CEMIP: variants seen among roughly 807,000 people sequenced by gnomAD.
CEMIP encodes the protein cell migration inducing hyaluronidase 1.
Under a neutral mutation model 156.9 loss-of-function variants are expected in CEMIP, and 105 were observed. The observed-to-expected ratio is 0.67, with a 90% CI of 0.57 to 0.79. The LOEUF is 0.79. CEMIP is among the 30% of genes least tolerant of loss of function. CEMIP has a pLI of 0.00. For missense variants in CEMIP, 1,457 were observed against 1,769.4 expected (o/e 0.82, Z 3.17); for synonymous variants, 676 against 668.4 (o/e 1.01, Z -0.17).
In CEMIP at chr15:80,941,961, G is replaced by A. The variant is rs140378351; in HGVS notation, c.3520G>A (p.Val1174Ile). 5.0e-6 allele frequency: 8 copies of A among 1,613,862 alleles called. No homozygotes were observed. Among genetic ancestry groups the A allele is most frequent in the Non-Finnish European group, 5.1e-6 (6 of 1,179,970 alleles). ...IKALIPKNAG[V>I]SDCTATAYPK... is the part of the protein sequence containing the mutation. The stretch of plus-strand genomic sequence containing the variant: ...AGCTCTGATTCCAAAGAACGCAGGC[G>A]TCAGTGACTGCACAGCCACAGCTTA... The change falls in exon 26 of 30, where the codon GTC (valine) becomes ATC (isoleucine). Residue 1174 changes from valine (V) to isoleucine (I), a missense_variant. Around this residue, in one of 5 missense-constraint regions of CEMIP, gnomAD observed 798 missense variants for 980.1 expected, o/e 0.81. Coordinates refer to ENST00000394685, the MANE Select transcript of CEMIP (RefSeq NM_001293298.2).
intron 3 of CEMIP, among the ~76,000 whole-genome samples, chr15:80,875,021 A>ATTTTT (rs755707756): frequency 4.6e-5 from 3 of 64,960 alleles, no homozygotes; most frequent in African/African-American, 1.3e-4. Flanking sequence ...AGCAAGTAGC[A>ATTTTT]TTTTTTTTTT....
At position 80,887,769 on chromosome 15, in the gene CEMIP, T is replaced by C. The variant is rs201848416; in HGVS notation, c.868+5T>C. ...AAGACCATATTGAATATCATGGTAA[T>C]ACATAGCTGGCTGGAGGCCTGATTC... On this transcript the variant is annotated splice_donor_5th_base_variant and intron_variant, in intron 8 of 29. Coordinates refer to ENST00000394685, the MANE Select transcript of CEMIP (RefSeq NM_001293298.2). 5.6e-6 allele frequency: 9 copies of C among 1,611,104 alleles called. No homozygotes were observed. Among genetic ancestry groups the C allele is most frequent in the Non-Finnish European group, 7.6e-6 (9 of 1,177,528 alleles).
chr15:80,934,674 G>A (rs914010468), intron 23 of CEMIP, among the ~76,000 whole-genome samples: 2 of 152,150 alleles, frequency 1.3e-5, no homozygotes, highest in Non-Finnish European at 2.9e-5. Flanking sequence ...TGGGGGTGGA[G>A]GAGTGATAGG....
rs149857081 is a variant in CEMIP at position 80,906,689 on chromosome 15, G to A, written c.1438G>A (p.Glu480Lys). The A allele has an allele frequency of 1.2e-4, 197 of 1,613,978 alleles. No individual in the cohort carries two copies. The highest frequency in any genetic ancestry group is 1.7e-4 in the Admixed American group (10 of 60,012). Residue 480 changes from glutamate to lysine, a missense_variant, in exon 13 of 30, where the codon GAG becomes AAG. Glu to Lys is a moderately conservative substitution (Grantham distance 56). Transcript: ENST00000394685. This position sits in a 1 kb window ranked among gnomAD's most constrained non-coding sequence, Gnocchi z 4.3. ...AGKPMYLHIG[E>K]EIDGVDMRAE... ...GAAACCAATGTACCTGCACATCGGG[G>A]AGGAGATAGACGGCGTGGACATGCG...
intron 25 of CEMIP, among the ~76,000 whole-genome samples, chr15:80,939,332 C>A (rs1901253310): frequency 6.6e-6 from 1 of 152,160 alleles, no homozygotes; most frequent in African/African-American, 2.4e-5. Flanking sequence ...CACTCTCTTC[C>A]CATGGGAAGA....
At chr15:80,872,006 G>A (rs1188570883) in intron 1 of CEMIP, among the ~76,000 whole-genome samples, 20 of 152,254 alleles carry the variant, frequency 1.3e-4, no homozygotes, top group East Asian at 1.9e-4. Flanking sequence ...TGGGAGTATC[G>A]TTTCCTCCCT....
chr15:80,780,863 C>T (rs1023991597), intron 1 of CEMIP, among the ~76,000 whole-genome samples: 3 of 152,288 alleles, frequency 2.0e-5, no homozygotes. Flanking sequence ...TCTTCCCAGA[C>T]CCAAGGCGTT....
intron 14 of CEMIP, among the ~76,000 whole-genome samples, chr15:80,910,866 C>G (rs1348882355): frequency 6.6e-6 from 1 of 152,116 alleles, no homozygotes; most frequent in Non-Finnish European, 1.5e-5. Context: ...TGTGCTGGAG[C>G]CATTGCTGGA....
intron 14 of CEMIP, among the ~76,000 whole-genome samples, chr15:80,913,336 G>C (rs7179951): frequency 0.77 from 117,144 of 152,198 alleles, 47,546 homozygotes; most frequent in Non-Finnish European, 0.89. Context: ...CTGAGCCTTG[G>C]TGATGGTTCT....
At chr15:80,821,513 A>G (rs1047665816) in intron 1 of CEMIP, among the ~76,000 whole-genome samples, 5 of 152,200 alleles carry the variant, frequency 3.3e-5, no homozygotes, top group Non-Finnish European at 5.9e-5. Context: ...GGCTTTTTCC[A>G]TCAACCAGGT....
At chr15:80,878,126 A>G (rs1301326431) in intron 3 of CEMIP, among the ~76,000 whole-genome samples, 1 of 152,240 alleles carries the variant, frequency 6.6e-6, no homozygotes, top group African/African-American at 2.4e-5. Context: ...CACTCAGGGA[A>G]GCCTACAGTG....
intron 10 of CEMIP, among the ~76,000 whole-genome samples, chr15:80,894,069 T>A (rs896803455): frequency 3.9e-5 from 6 of 152,210 alleles, no homozygotes; most frequent in Non-Finnish European, 7.3e-5. Flanking sequence ...GCCTTGTAGC[T>A]GCTCACCAGC....
intron 1 of CEMIP, among the ~76,000 whole-genome samples, chr15:80,839,525 A>G (rs1897344076): frequency 6.6e-6 from 1 of 152,168 alleles, no homozygotes; most frequent in Non-Finnish European, 1.5e-5. Flanking sequence ...GAAGCCGGCC[A>G]GACCTCCTGG....
At chr15:80,872,537 G>T (rs1354463316) in intron 1 of CEMIP, among the ~76,000 whole-genome samples, 1 of 152,168 alleles carries the variant, frequency 6.6e-6, no homozygotes, top group South Asian at 2.1e-4. Flanking sequence ...TAATAAACTA[G>T]AAGTTTAATT....
chr15:80,781,404 T>A (rs1895791585), intron 1 of CEMIP, among the ~76,000 whole-genome samples: 1 of 152,220 alleles, frequency 6.6e-6, no homozygotes, highest in South Asian at 2.1e-4. Flanking sequence ...AGGCTCCTTT[T>A]TAGCCCAGTA....
intron 19 of CEMIP, among the ~76,000 whole-genome samples, chr15:80,927,700 A>T (rs1418075160): frequency 6.6e-6 from 1 of 152,066 alleles, no homozygotes; most frequent in African/African-American, 2.4e-5. Context: ...GGTTGGTGCA[A>T]TCGGGGCTGA....
At chr15:80,813,049 T>C (rs572411133) in intron 1 of CEMIP, among the ~76,000 whole-genome samples, 20 of 152,286 alleles carry the variant, frequency 1.3e-4, no homozygotes, top group African/African-American at 4.8e-4. Context: ...TTACAATGCA[T>C]GATTAATTTT....
chr15:80,887,054 C>T (rs546601711), intron 7 of CEMIP, among the ~76,000 whole-genome samples: 4 of 152,290 alleles, frequency 2.6e-5, no homozygotes, highest in South Asian at 2.1e-4. Context: ...TTAGGCATTA[C>T]GCAAAATGCC....
At chr15:80,793,158 C>T (rs1896125458) in intron 1 of CEMIP, among the ~76,000 whole-genome samples, 1 of 152,128 alleles carries the variant, frequency 6.6e-6, no homozygotes. Flanking sequence ...TGGGTGGCAG[C>T]AGGTTGGTGC....
Sources: gnomAD v4.1 joint callset for allele counts (sites outside exome capture counted in the v4.1 genomes callset) on GRCh38, gnomAD v4.1.1 for gene constraint, gnomAD v4.1.1 regional missense constraint, Gnocchi (gnomAD v3.1) non-coding constraint, MANE v1.5 for transcripts, NCBI Gene and HGNC (gene_info 2026-07-23, HGNC 2026-07-21) for gene names.